ULK4: variants seen among roughly 807,000 people sequenced by gnomAD.
The protein encoded by ULK4 is unc-51 like kinase 4, also known as inactive serine/threonine-protein kinase ULK4.
A neutral mutation model predicts 160.6 loss-of-function variants in ULK4; 133 were observed. The ratio of observed to expected loss-of-function variants is 0.83; its 90% CI spans 0.72 to 0.96. The LOEUF (loss-of-function observed/expected upper bound fraction) is 0.96. ULK4 is among the 40% of genes least tolerant of loss of function. ULK4 has a pLI of 0.00. For synonymous variants in ULK4, 534 were observed against 539.8 expected (o/e 0.99, Z 0.15); for missense variants, 1,580 against 1,499.5 (o/e 1.05, Z -0.89).
intron 35 of ULK4, among the ~76,000 whole-genome samples, chr3:41,370,955 G>A (rs961346942): frequency 6.6e-6 from 1 of 152,146 alleles, no homozygotes; most frequent in Admixed American, 6.6e-5. Flanking sequence ...CGAGCTTGGT[G>A]GGGGGAGGGG....
At chr3:41,691,387 C>A (rs1388094967) in intron 27 of ULK4, among the ~76,000 whole-genome samples, 1 of 151,846 alleles carries the variant, frequency 6.6e-6, no homozygotes, top group Non-Finnish European at 1.5e-5. Context: ...CCACTTGGCC[C>A]TCTTCCAACT....
intron 34 of ULK4, among the ~76,000 whole-genome samples, chr3:41,430,957 C>T (rs760516949): frequency 9.2e-5 from 14 of 152,182 alleles, no homozygotes; most frequent in Non-Finnish European, 1.9e-4. Flanking sequence ...ATTTACTGTT[C>T]ATCTTAAATA....
intron 32 of ULK4, among the ~76,000 whole-genome samples, chr3:41,565,031 C>T (rs1056285939): frequency 6.6e-6 from 1 of 152,192 alleles, no homozygotes; most frequent in South Asian, 2.1e-4. Context: ...AATACTTACA[C>T]CTCTGTGTTA....
chr3:41,808,680 G>C (rs990769946), intron 19 of ULK4, among the ~76,000 whole-genome samples: 1 of 152,208 alleles, frequency 6.6e-6, no homozygotes, highest in African/African-American at 2.4e-5. Context: ...GTGTTAAATA[G>C]ATTTAATATA....
chr3:41,769,217 G>A (rs543116226), intron 21 of ULK4, among the ~76,000 whole-genome samples: 1 of 152,266 alleles, frequency 6.6e-6, no homozygotes, highest in East Asian at 1.9e-4. Flanking sequence ...TTCTCATTTA[G>A]TCATTTCAGA....
At chr3:41,262,584 T>TAAA in intron 35 of ULK4, among the ~76,000 whole-genome samples, 1 of 152,292 alleles carries the variant, frequency 6.6e-6, no homozygotes, top group Admixed American at 6.5e-5. Context: ...CTCCTCTCTG[T>TAAA]ACCTGTGGGC....
intron 19 of ULK4, among the ~76,000 whole-genome samples, chr3:41,815,790 T>C (rs1252611716): frequency 6.6e-6 from 1 of 152,174 alleles, no homozygotes. Flanking sequence ...CAACTGGACC[T>C]ACACATAGCA....
intron 25 of ULK4, among the ~76,000 whole-genome samples, chr3:41,714,236 G>A (rs2037189882): frequency 6.6e-6 from 1 of 152,084 alleles, no homozygotes; most frequent in South Asian, 2.1e-4. Context: ...CTGAAATTGA[G>A]CACAAAGGGA....
chr3:41,409,496 G>C lies in ULK4; in HGVS notation c.3493-11232C>G, dbSNP rs539705930. Reference sequence around the variant, plus strand: ...AAATCTGATACCTAATAAGGGACTTGTATATACATGATATATAATATTTCT... The same window carrying C: ...AAATCTGATACCTAATAAGGGACTTCTATATACATGATATATAATATTTCT... On this transcript the variant is annotated intron_variant, in intron 34 of 36. Coordinates refer to ENST00000301831, the MANE Select transcript of ULK4 (RefSeq NM_017886.4). Among the ~76,000 whole-genome samples the C allele has an allele frequency of 3.9e-5, 6 of 152,264 alleles. No homozygotes were observed. In the South Asian group the frequency reaches 1.2e-3, roughly 32 times the overall value.
intron 35 of ULK4, among the ~76,000 whole-genome samples, chr3:41,308,872 A>G (rs2079997335): frequency 6.6e-6 from 1 of 152,240 alleles, no homozygotes. Flanking sequence ...ACCTGTATGA[A>G]GAAGCCATTC....
chr3:41,339,797 A>G (rs1013049086), intron 35 of ULK4, among the ~76,000 whole-genome samples: 2 of 152,160 alleles, frequency 1.3e-5, no homozygotes, highest in Admixed American at 1.3e-4. Flanking sequence ...TTGCTTACCA[A>G]TGTATTTAAT....
intron 27 of ULK4, among the ~76,000 whole-genome samples, chr3:41,683,800 T>C (rs752794428): frequency 1.3e-5 from 2 of 152,040 alleles, no homozygotes; most frequent in Non-Finnish European, 2.9e-5. Context: ...TAGGAAACTC[T>C]GTCTGGCACT....
rs1001447856 is a variant in ULK4, at chr3:41,399,936, C to A, written c.3493-1672G>T. Among the ~76,000 whole-genome samples, 7 of 152,128 alleles carry A rather than the reference C, an allele frequency of 4.6e-5. No homozygotes were observed. The East Asian group carries it at 1.2e-3, about 25-fold the overall frequency. ...ATGTTTTCTTCTAAGAGCTTTATAG[C>A]TTTAGCTTTTTACTTTGAGGTCTTC... On this transcript the variant is annotated intron_variant, in intron 34 of 36. Transcript: ENST00000301831.
chr3:41,898,040 T>C (rs1331130940), intron 14 of ULK4, among the ~76,000 whole-genome samples: 7 of 152,264 alleles, frequency 4.6e-5, no homozygotes, highest in Admixed American at 3.9e-4. Flanking sequence ...CATTCTCAAA[T>C]GTCCTGGTCC....
At chr3:41,479,572 A>G (rs968499027) in intron 32 of ULK4, among the ~76,000 whole-genome samples, 2 of 152,190 alleles carry the variant, frequency 1.3e-5, no homozygotes, top group African/African-American at 2.4e-5. Flanking sequence ...GAAAGGCAAG[A>G]CAGGCTTGGT....
intron 35 of ULK4, among the ~76,000 whole-genome samples, chr3:41,395,884 C>T (rs2082048650): frequency 6.6e-6 from 1 of 152,124 alleles, no homozygotes; most frequent in African/African-American, 2.4e-5. Flanking sequence ...TTCAACTTTT[C>T]TTCCACAAAC....
chr3:41,531,400 C>T (rs146105507), intron 32 of ULK4, among the ~76,000 whole-genome samples: 5,047 of 119,184 alleles, frequency 0.042, 207 homozygotes, highest in African/African-American at 0.12. Flanking sequence ...GAGATCACTC[C>T]ACTGTACTCC....
chr3:41,881,365 C>T (rs1697514692), intron 17 of ULK4, among the ~76,000 whole-genome samples: 1 of 150,758 alleles, frequency 6.6e-6, no homozygotes, highest in Admixed American at 6.6e-5. Context: ...ACAGATCCTG[C>T]TTTTGGAAAC....
At chr3:41,624,572 C>T (rs965367976) in intron 30 of ULK4, among the ~76,000 whole-genome samples, 1 of 152,096 alleles carries the variant, frequency 6.6e-6, no homozygotes, top group Non-Finnish European at 1.5e-5. Flanking sequence ...ATTCCATTCT[C>T]ACATTCTTCT....
Sources: gnomAD v4.1 joint callset for allele counts (sites outside exome capture counted in the v4.1 genomes callset) on GRCh38, gnomAD v4.1.1 for gene constraint, MANE v1.5 for transcripts, NCBI Gene and HGNC (gene_info 2026-07-23, HGNC 2026-07-21) for gene names.